Variants in ZFP14 observed in about 807,000 individuals in gnomAD.
ZFP14 encodes the protein zinc finger protein 14 homolog.
Under a neutral mutation model 54.5 loss-of-function variants are expected in ZFP14, and 22 were observed. The ratio of observed to expected loss-of-function variants is 0.40; its 90% CI spans 0.29 to 0.58. The LOEUF is 0.58. Among genes scored for constraint, ZFP14 ranks in the 20% least tolerant of loss-of-function variants. The pLI is 0.39. For missense variants in ZFP14, 470 were observed against 637.8 expected, an observed-to-expected ratio of 0.74 and a Z score of 2.83; for synonymous variants, 159 against 204.0, an observed-to-expected ratio of 0.78 and a Z score of 1.88.
chr19:36,346,358 T>C (rs2031414193), intron 4 of ZFP14, among the ~76,000 whole-genome samples: 1 of 150,918 alleles, frequency 6.6e-6, no homozygotes, highest in South Asian at 2.1e-4. Context: ...ACAAAATCAG[T>C]GGAACATAAC....
intron 1 of ZFP14, among the ~76,000 whole-genome samples, chr19:36,372,294 A>G (rs1290842487): frequency 2.0e-5 from 3 of 151,992 alleles, no homozygotes; most frequent in African/African-American, 4.8e-5. Context: ...AGAAAGAATC[A>G]ATAAAATTAA....
intron 4 of ZFP14, among the ~76,000 whole-genome samples, chr19:36,356,792 T>C (rs1013043086): frequency 6.6e-6 from 1 of 152,212 alleles, no homozygotes. Context: ...TTCACCCAAG[T>C]TGTTGCATGT....
chr19:36,362,206 G>A lies in ZFP14; in HGVS notation c.42C>T (p.Asp14=), dbSNP rs755787733. ...GGAATTCCCATTCTTCCTGTGAGAA[G>A]TCTATGGCCACATCCCTGAATGTCA... is the stretch of plus-strand genomic sequence containing the variant. The part of the protein sequence containing the change: ...GSVTFRDVAI[D]FSQEEWEFLD... The change falls in exon 3 of 5, where the codon GAC becomes GAT. Residue 14 remains aspartate (D), a synonymous_variant. Coordinates refer to ENST00000270001, the MANE Select transcript of ZFP14 (RefSeq NM_020917.3). 1 of 1,611,968 alleles carries A rather than the reference G, an allele frequency of 6.2e-7. No individual in the cohort carries two copies. Among genetic ancestry groups the A allele is most frequent in the Non-Finnish European group, 8.5e-7 (1 of 1,179,158 alleles).
At chr19:36,346,736 G>A (rs1467954426) in intron 4 of ZFP14, among the ~76,000 whole-genome samples, 5 of 152,208 alleles carry the variant, frequency 3.3e-5, no homozygotes, top group Admixed American at 2.6e-4. Flanking sequence ...GATTACAGGC[G>A]TAAGCCACTG....
Position 36,336,635 on chromosome 19 carries a change from C to T in ZFP14, c.*3589G>A, listed in dbSNP as rs2031202968. On this transcript the variant is annotated 3_prime_UTR_variant, in exon 5 of 5. Coordinates refer to ENST00000270001, the MANE Select transcript of ZFP14 (RefSeq NM_020917.3). ...TCCCTCAACACATTCATCTGTGTGA[C>T]AGGCCTGGTGTTGCTGCTGTGGGTA... is the stretch of plus-strand genomic sequence containing the variant. 6.6e-6 allele frequency: 1 copy of T among 152,194 alleles called. No homozygotes were observed. Among genetic ancestry groups the T allele is most frequent in the Non-Finnish European group, 1.5e-5 (1 of 68,042 alleles). The allele number at this position is 152,194 out of a possible 1,614,324, so 9.4% of individuals were successfully genotyped here.
chr19:36,371,927 C>G (rs186429611), intron 1 of ZFP14, among the ~76,000 whole-genome samples: 2 of 138,118 alleles, frequency 1.4e-5, no homozygotes, highest in East Asian at 4.7e-4. Flanking sequence ...CACTACACTC[C>G]AGCCTGGGCA....
intron 2 of ZFP14, among the ~76,000 whole-genome samples, chr19:36,365,959 C>CA (rs57704508): frequency 0.032 from 4,435 of 136,858 alleles, 223 homozygotes; most frequent in African/African-American, 0.11. Context: ...GACCTTCTGT[C>CA]AAAAAAAAAA....
intron 4 of ZFP14, among the ~76,000 whole-genome samples, chr19:36,351,788 GT>G (rs1234313242): frequency 7.0e-6 from 1 of 142,948 alleles, no homozygotes. Flanking sequence ...GAGCCCAGGA[GT>G]TTGAGGTTGC....
At position 36,341,533 on chromosome 19, in the gene ZFP14, A is replaced by G. The variant is rs770615066; in HGVS notation, c.293T>C (p.Ile98Thr). Residue 98 changes from isoleucine (I) to threonine (T), a missense_variant, in exon 5 of 5, where the codon ATA becomes ACA. Transcript: ENST00000270001. This position sits in a 1 kb window ranked among gnomAD's most constrained non-coding sequence, Gnocchi z 4.2. ...TLSPEKDIYE[I>T]YSFQWDIMER... ...CATTATATCCCACTGAAATGAATAT[A>G]TTTCATAAATGTCCTTTTCTGGAGA... is the stretch of plus-strand genomic sequence containing the variant. 6.2e-7 allele frequency: 1 copy of G among 1,603,786 alleles called. No homozygotes were observed. The highest frequency in any genetic ancestry group is 1.7e-5 in the Admixed American group (1 of 57,180).
chr19:36,366,906 C>T lies in ZFP14; in HGVS notation c.9+978G>A, dbSNP rs536715503. On this transcript the variant is annotated intron_variant, in intron 2 of 4. Transcript: ENST00000270001. Reference sequence around the variant, plus strand: ...CAGTGGCTCATACCTGTAATCTTAGCACTCTGGGAGGCCGAGGCAGGCAGA... The same window carrying T: ...CAGTGGCTCATACCTGTAATCTTAGTACTCTGGGAGGCCGAGGCAGGCAGA... Among the ~76,000 whole-genome samples, 3 of 152,192 alleles carry T rather than the reference C, an allele frequency of 2.0e-5. No individual in the cohort carries two copies. The South Asian group carries it at 6.2e-4, about 32-fold the overall frequency.
At chr19:36,358,163 T>C (rs188861782) in intron 4 of ZFP14, among the ~76,000 whole-genome samples, 1 of 152,142 alleles carries the variant, frequency 6.6e-6, no homozygotes, top group African/African-American at 2.4e-5. Flanking sequence ...TGAGCTGGAG[T>C]GCAGTGGTGT....
rs2031263462 is a variant in ZFP14, at chr19:36,339,268, A to G, written c.*956T>C. Reference sequence around the variant, plus strand: ...TAACAATTACAGATAATATTTACAGAATACATGCTATATGACTGTGATTCC... The same window carrying G: ...TAACAATTACAGATAATATTTACAGGATACATGCTATATGACTGTGATTCC... On this transcript the variant is annotated 3_prime_UTR_variant, in exon 5 of 5. Transcript: ENST00000270001. 6.6e-6 allele frequency: 1 copy of G among 152,218 alleles called. No homozygotes were observed. Among genetic ancestry groups the G allele is most frequent in the Non-Finnish European group, 1.5e-5 (1 of 68,042 alleles). 9.4% of individuals were successfully genotyped at this position (152,218 alleles called of 1,614,324 possible).
At chr19:36,348,919 G>A (rs911568730) in intron 4 of ZFP14, among the ~76,000 whole-genome samples, 2 of 151,966 alleles carry the variant, frequency 1.3e-5, no homozygotes, top group Non-Finnish European at 2.9e-5. Context: ...TATCTCAGTG[G>A]AAAATTCTAT....
chr19:36,355,980 TC>T (rs937872146), intron 4 of ZFP14, among the ~76,000 whole-genome samples: 1 of 142,740 alleles, frequency 7.0e-6, no homozygotes, highest in Non-Finnish European at 1.6e-5. Context: ...TCAAATCTTT[TC>T]CCCATTCCCC....
chr19:36,358,526 T>C (rs559201511), intron 4 of ZFP14, among the ~76,000 whole-genome samples: 9 of 152,344 alleles, frequency 5.9e-5, no homozygotes, highest in African/African-American at 1.4e-4. Flanking sequence ...TCATGTCATC[T>C]CCAAATACAG....
intron 1 of ZFP14, among the ~76,000 whole-genome samples, chr19:36,374,926 A>T (rs1279053422): frequency 6.6e-6 from 1 of 152,130 alleles, no homozygotes; most frequent in Non-Finnish European, 1.5e-5. Flanking sequence ...CTGTAAAAAC[A>T]GATGCTGTTT....
intron 4 of ZFP14, among the ~76,000 whole-genome samples, chr19:36,359,054 C>T (rs2031667233): frequency 6.6e-6 from 1 of 152,146 alleles, no homozygotes; most frequent in Non-Finnish European, 1.5e-5. Context: ...ATAGACACAG[C>T]CCTTTGAGGC....
intron 4 of ZFP14, among the ~76,000 whole-genome samples, chr19:36,358,084 CTATCTATCATCTATCT>C (rs1413381168): frequency 6.8e-6 from 1 of 146,470 alleles, no homozygotes; most frequent in African/African-American, 2.5e-5. Context: ...ATCTATCTAT[CTATCTATCATCTATCT>C]ATCTATCTAT....
At chr19:36,350,883 T>C (rs552279957) in intron 4 of ZFP14, among the ~76,000 whole-genome samples, 8 of 143,194 alleles carry the variant, frequency 5.6e-5, no homozygotes, top group Non-Finnish European at 1.2e-4. Flanking sequence ...AGGGGATATT[T>C]GCTAAGAGAA....
Sources: gnomAD v4.1 joint callset for allele counts (sites outside exome capture counted in the v4.1 genomes callset) on GRCh38, gnomAD v4.1.1 for gene constraint, Gnocchi (gnomAD v3.1) non-coding constraint, MANE v1.5 for transcripts, NCBI Gene and HGNC (gene_info 2026-07-23, HGNC 2026-07-21) for gene names.